Variants in DCLK1 observed in about 807,000 individuals in gnomAD.
The protein encoded by DCLK1 is serine/threonine-protein kinase DCLK1.
A neutral mutation model predicts 86.2 loss-of-function variants in DCLK1; 16 were observed. The observed-to-expected ratio is 0.19, with a 90% CI of 0.13 to 0.28. The LOEUF is 0.28. DCLK1 is among the 10% of genes least tolerant of loss of function. The pLI, the probability that DCLK1 is intolerant of heterozygous loss-of-function variation, is 1.00. For synonymous variants in DCLK1, 369 were observed against 370.5 expected (o/e 1.00, Z 0.05); for missense variants, 590 against 940.2 (o/e 0.63, Z 4.87).
chr13:35,858,544 T>C (rs1871210860), intron 5 of DCLK1, among the ~76,000 whole-genome samples: 1 of 152,202 alleles, frequency 6.6e-6, no homozygotes, highest in Non-Finnish European at 1.5e-5. Flanking sequence ...TGGCTGGTCC[T>C]GGCACCTCAG....
chr13:35,847,995 T>C, intron 6 of DCLK1: 1 of 985,288 alleles, frequency 1.0e-6, no homozygotes, highest in Non-Finnish European at 1.2e-6. Context: ...TTTTTAACTT[T>C]TGCACTTCTA....
chr13:35,794,300 A>C (rs1225036246), intron 15 of DCLK1, among the ~76,000 whole-genome samples: 2 of 152,086 alleles, frequency 1.3e-5, no homozygotes, highest in Admixed American at 1.3e-4. Flanking sequence ...GTGCCTTGGC[A>C]CATATTAGAT....
At chr13:36,027,525 A>G (rs1216585637) in intron 3 of DCLK1, among the ~76,000 whole-genome samples, 1 of 152,224 alleles carries the variant, frequency 6.6e-6, no homozygotes, top group Non-Finnish European at 1.5e-5. Flanking sequence ...AGCTTTGGTG[A>G]GTGAATAAAT....
Position 35,985,868 on chromosome 13 carries a change from T to C in DCLK1, c.724-38411A>G, listed in dbSNP as rs148653357. Among the ~76,000 whole-genome samples the C allele has an allele frequency of 3.3e-5, 5 of 152,248 alleles. No individual in the cohort carries two copies. The East Asian group carries it at 7.7e-4, about 24-fold the overall frequency. On this transcript the variant is annotated intron_variant, in intron 3 of 16. Transcript: ENST00000360631. ...TTAAAGTGTATTCCAATGGAAGAAA[T>C]AGATATTTTATCAGGAAGAAAGCCA...
chr13:35,817,536 C>A (rs2087297997), intron 11 of DCLK1, among the ~76,000 whole-genome samples: 1 of 152,148 alleles, frequency 6.6e-6, no homozygotes. Context: ...CCACTAATAT[C>A]TTCTCTTTAA....
intron 6 of DCLK1, among the ~76,000 whole-genome samples, chr13:35,840,463 C>T (rs1869712540): frequency 6.6e-6 from 1 of 152,178 alleles, no homozygotes; most frequent in African/African-American, 2.4e-5. Context: ...TTCATCAAAG[C>T]TCACAGTTGA....
At chr13:35,835,079 G>A (rs551246788) in intron 8 of DCLK1, among the ~76,000 whole-genome samples, 115 of 152,248 alleles carry the variant, frequency 7.6e-4, no homozygotes, top group African/African-American at 2.7e-3. Flanking sequence ...CTGTAGAGGA[G>A]GCAAGGTCTA....
intron 4 of DCLK1, among the ~76,000 whole-genome samples, chr13:35,905,255 T>A (rs1412366091): frequency 3.3e-5 from 5 of 152,220 alleles, no homozygotes; most frequent in African/African-American, 9.6e-5. Context: ...ACATTGTGTT[T>A]TCCACCCCCA....
chr13:35,804,217 G>A (rs770388132), intron 15 of DCLK1, among the ~76,000 whole-genome samples: 13 of 152,048 alleles, frequency 8.5e-5, no homozygotes, highest in East Asian at 1.9e-4. Flanking sequence ...TGCAGCCTCC[G>A]CCTCCTGGGT....
intron 8 of DCLK1, among the ~76,000 whole-genome samples, chr13:35,834,422 G>C (rs182180779): frequency 6.6e-6 from 1 of 152,290 alleles, no homozygotes; most frequent in East Asian, 1.9e-4. Context: ...GTGGTTTTTG[G>C]AGCTGGGCTC....
chr13:36,064,523 G>A (rs1309250601), intron 3 of DCLK1, among the ~76,000 whole-genome samples: 2 of 152,212 alleles, frequency 1.3e-5, no homozygotes, highest in Non-Finnish European at 2.9e-5. Flanking sequence ...GCTGGGCGTG[G>A]TGGCGTGTGC....
chr13:35,792,865 G>T (rs570955190), intron 16 of DCLK1, among the ~76,000 whole-genome samples: 1 of 152,152 alleles, frequency 6.6e-6, no homozygotes, highest in Non-Finnish European at 1.5e-5. Flanking sequence ...TCGTGACTTC[G>T]TTGGGTGTTC....
intron 3 of DCLK1, among the ~76,000 whole-genome samples, chr13:36,057,826 G>A (rs1410967620): frequency 6.6e-6 from 1 of 152,122 alleles, no homozygotes. Flanking sequence ...TGACCACTAT[G>A]CTTTAAGAAG....
At chr13:35,793,233 T>C (rs2086740594) in intron 16 of DCLK1, 133 bp downstream of exon 16, 2 of 561,290 alleles carry the variant, frequency 3.6e-6, no homozygotes, top group Non-Finnish European at 6.2e-6. Context: ...CCTCCTCTAG[T>C]GCATTAAGTG....
At position 36,126,160 on chromosome 13, in the gene DCLK1, C is replaced by T. The variant is rs1262717760; in HGVS notation, c.-19-4G>A. 5 of 1,544,580 alleles carry T rather than the reference C, an allele frequency of 3.2e-6. No homozygotes were observed. The highest frequency in any genetic ancestry group is 4.0e-5 in the Admixed American group (2 of 50,476). On this transcript the variant is annotated splice_region_variant and splice_polypyrimidine_tract_variant and intron_variant, in intron 1 of 16. Coordinates refer to ENST00000360631, the MANE Select transcript of DCLK1 (RefSeq NM_001330071.2). ...CATGATGGACTTCAAGTAGGACCTA[C>T]GAGCCCCAGAAACAAAAGCAGACAC... is the stretch of plus-strand genomic sequence containing the variant.
chr13:35,862,146 A>G (rs538430752), intron 5 of DCLK1, among the ~76,000 whole-genome samples: 1 of 151,496 alleles, frequency 6.6e-6, no homozygotes, highest in South Asian at 2.1e-4. Flanking sequence ...TTATGTTTCT[A>G]TTATTCAAAT....
At chr13:35,852,354 C>G (rs1011159227) in intron 6 of DCLK1, among the ~76,000 whole-genome samples, 2 of 152,122 alleles carry the variant, frequency 1.3e-5, no homozygotes, top group African/African-American at 4.8e-5. Flanking sequence ...TCTGGGAATG[C>G]CTTCATGCAC....
At chr13:35,998,725 A>C (rs1428921653) in intron 3 of DCLK1, among the ~76,000 whole-genome samples, 1 of 152,160 alleles carries the variant, frequency 6.6e-6, no homozygotes, top group Non-Finnish European at 1.5e-5. Context: ...TATGCTTTTC[A>C]AAAAAGTGCC....
chr13:36,097,868 C>T (rs1212239691), intron 3 of DCLK1, among the ~76,000 whole-genome samples: 2 of 151,880 alleles, frequency 1.3e-5, no homozygotes, highest in Non-Finnish European at 2.9e-5. Flanking sequence ...AAAAGATGCA[C>T]ATGAATTTTA....
Sources: gnomAD v4.1 joint callset for allele counts (sites outside exome capture counted in the v4.1 genomes callset) on GRCh38, gnomAD v4.1.1 for gene constraint, MANE v1.5 for transcripts, NCBI Gene and HGNC (gene_info 2026-07-23, HGNC 2026-07-21) for gene names.